The following DYNC1I1 variants were observed in gnomAD, a reference collection of about 807,000 sequenced individuals.
DYNC1I1 encodes dynein cytoplasmic 1 intermediate chain 1.
Under a neutral mutation model 86.6 loss-of-function variants are expected in DYNC1I1, and 43 were observed. That is an observed-to-expected ratio of 0.50 (90% CI 0.39 to 0.64). The LOEUF (loss-of-function observed/expected upper bound fraction) is 0.64. DYNC1I1 is among the 30% of genes least tolerant of loss of function. The pLI, the probability that DYNC1I1 is intolerant of heterozygous loss-of-function variation, is 0.00. For synonymous variants in DYNC1I1, 262 were observed against 283.7 expected (o/e 0.92, Z 0.77); for missense variants, 604 against 788.8 (o/e 0.77, Z 2.81).
intron 9 of DYNC1I1, among the ~76,000 whole-genome samples, chr7:95,993,050 A>G (rs142526927): frequency 1.6e-3 from 244 of 152,354 alleles, no homozygotes; most frequent in African/African-American, 5.4e-3. Flanking sequence ...TGAATTTCAT[A>G]ATTCTTTATA....
chr7:95,871,569 G>A (rs1031266144), intron 6 of DYNC1I1, among the ~76,000 whole-genome samples: 4 of 152,132 alleles, frequency 2.6e-5, no homozygotes, highest in Non-Finnish European at 5.9e-5. Flanking sequence ...TTGACCCATA[G>A]CATAAAGTTA....
chr7:95,823,632 T>C (rs1357975178), intron 4 of DYNC1I1, among the ~76,000 whole-genome samples: 1 of 151,978 alleles, frequency 6.6e-6, no homozygotes, highest in Non-Finnish European at 1.5e-5. Flanking sequence ...GAAGCTGTCA[T>C]AGTTAAACAT....
At chr7:95,777,105 T>C (rs768117367) in intron 1 of DYNC1I1, among the ~76,000 whole-genome samples, 10 of 152,190 alleles carry the variant, frequency 6.6e-5, no homozygotes, top group African/African-American at 2.4e-4. Flanking sequence ...TAGCTTTTTA[T>C]TGTGGCAGGA....
chr7:95,995,198 G>C (rs1386019002), intron 9 of DYNC1I1, among the ~76,000 whole-genome samples: 2 of 151,946 alleles, frequency 1.3e-5, no homozygotes, highest in Non-Finnish European at 2.9e-5. Context: ...AGTGAGCCAA[G>C]ATCAGGCCAC....
At chr7:95,886,685 T>C (rs1790601791) in intron 6 of DYNC1I1, among the ~76,000 whole-genome samples, 2 of 152,144 alleles carry the variant, frequency 1.3e-5, no homozygotes, top group Admixed American at 6.5e-5. Flanking sequence ...ATGCCACTTG[T>C]CTGACTGTGC....
At chr7:96,015,436 T>C (rs1175986211) in intron 10 of DYNC1I1, among the ~76,000 whole-genome samples, 1 of 152,142 alleles carries the variant, frequency 6.6e-6, no homozygotes, top group Non-Finnish European at 1.5e-5. Context: ...CCTTAATGTG[T>C]ACATCCTACG....
At chr7:95,806,806 C>T (rs1484907270) in intron 2 of DYNC1I1, among the ~76,000 whole-genome samples, 2 of 152,140 alleles carry the variant, frequency 1.3e-5, no homozygotes, top group Non-Finnish European at 2.9e-5. Flanking sequence ...GAGGTCTTTC[C>T]TTGATTCTGT....
At position 95,813,279 on chromosome 7, in the gene DYNC1I1, G is replaced by T; in HGVS notation, c.256G>T (p.Val86Leu). Residue 86 changes from valine to leucine, a missense_variant, in exon 4 of 17, where the codon GTG (valine) becomes TTG (leucine). Coordinates refer to ENST00000447467, the MANE Select transcript of DYNC1I1 (RefSeq NM_001135556.2). The stretch of plus-strand genomic sequence containing the variant: ...CCCTATGTCTCCCTCCTCGAAATCA[G>T]TGAGCACTCCCAGTGAAGCTGGAAG... ...PTPMSPSSKS[V>L]STPSEAGSQD... is the part of the protein sequence containing the mutation. The T allele has an allele frequency of 6.2e-7, 1 of 1,612,228 alleles. No individual in the cohort carries two copies. The highest frequency in any genetic ancestry group is 8.5e-7 in the Non-Finnish European group (1 of 1,179,440).
chr7:96,044,444 A>T lies in DYNC1I1; in HGVS notation c.1509+5023A>T, dbSNP rs116149864. Among the ~76,000 whole-genome samples the T allele has an allele frequency of 3.1e-3, 475 of 152,002 alleles. 2 individuals are homozygous for T. The highest frequency in any genetic ancestry group is 0.011 in the African/African-American group (454 of 41,464). On this transcript the variant is annotated intron_variant, in intron 14 of 16. Transcript: ENST00000447467. ...AAAGCAAGAAAGCATTAAAATCAAG[A>T]TGTTTTCTTTCCTTTTTTTTTTTCT...
intron 16 of DYNC1I1, among the ~76,000 whole-genome samples, chr7:96,088,495 G>A (rs574432277): frequency 6.6e-6 from 1 of 152,128 alleles, no homozygotes; most frequent in South Asian, 2.1e-4. Context: ...GTTAATTATA[G>A]TGTTAATTTT....
intron 6 of DYNC1I1, among the ~76,000 whole-genome samples, chr7:95,967,285 T>G (rs908143878): frequency 1.3e-5 from 2 of 152,104 alleles, no homozygotes; most frequent in African/African-American, 4.8e-5. Flanking sequence ...CCAACTGAAG[T>G]GCTATGAGAG....
At chr7:96,054,043 A>G (rs1239761637) in intron 14 of DYNC1I1, among the ~76,000 whole-genome samples, 1 of 152,014 alleles carries the variant, frequency 6.6e-6, no homozygotes, top group Non-Finnish European at 1.5e-5. Flanking sequence ...CATAGGTGCC[A>G]TAGGTTTGTT....
At chr7:96,086,631 A>T (rs1293581344) in intron 16 of DYNC1I1, among the ~76,000 whole-genome samples, 1 of 152,148 alleles carries the variant, frequency 6.6e-6, no homozygotes, top group Non-Finnish European at 1.5e-5. Context: ...AAAGAATAGT[A>T]TTCATTTCAT....
At chr7:95,948,287 G>T (rs1562953044) in intron 6 of DYNC1I1, among the ~76,000 whole-genome samples, 2 of 152,176 alleles carry the variant, frequency 1.3e-5, no homozygotes, top group Non-Finnish European at 2.9e-5. Context: ...GATAGGCACT[G>T]AATTCTCTGG....
At chr7:96,067,267 C>T (rs1227804232) in intron 14 of DYNC1I1, among the ~76,000 whole-genome samples, 2 of 151,938 alleles carry the variant, frequency 1.3e-5, no homozygotes, top group East Asian at 3.8e-4. Flanking sequence ...TTCCCGCAAC[C>T]CCAAAGCCCT....
intron 6 of DYNC1I1, among the ~76,000 whole-genome samples, chr7:95,904,290 T>C (rs897098546): frequency 6.6e-6 from 1 of 152,094 alleles, no homozygotes; most frequent in Admixed American, 6.6e-5. Flanking sequence ...CTTTCCCTGC[T>C]CATCTGTGTA....
intron 10 of DYNC1I1, among the ~76,000 whole-genome samples, chr7:96,011,586 C>A (rs898197428): frequency 2.0e-5 from 3 of 152,108 alleles, no homozygotes; most frequent in African/African-American, 7.2e-5. Context: ...CAGAAATATT[C>A]TATTTGTACT....
intron 6 of DYNC1I1, among the ~76,000 whole-genome samples, chr7:95,973,449 A>AT (rs1323909999): frequency 1.3e-5 from 2 of 152,296 alleles, no homozygotes; most frequent in African/African-American, 4.8e-5. Flanking sequence ...GGCAGGTACT[A>AT]TTTTTTAAAT....
chr7:95,796,359 G>T (rs1467455099), intron 1 of DYNC1I1, among the ~76,000 whole-genome samples: 1 of 151,988 alleles, frequency 6.6e-6, no homozygotes, highest in Non-Finnish European at 1.5e-5. Flanking sequence ...GCTCAGGCTG[G>T]AGTGCAATGG....
Sources: gnomAD v4.1 joint callset for allele counts (sites outside exome capture counted in the v4.1 genomes callset) on GRCh38, gnomAD v4.1.1 for gene constraint, MANE v1.5 for transcripts, NCBI Gene and HGNC (gene_info 2026-07-23, HGNC 2026-07-21) for gene names.